NTRK3: variants seen among roughly 807,000 people sequenced by gnomAD.
NTRK3 encodes the protein NT-3 growth factor receptor.
Under a neutral mutation model 91.7 loss-of-function variants are expected in NTRK3, and 24 were observed. That is an observed-to-expected ratio of 0.26 (90% CI 0.19 to 0.37). The LOEUF is 0.37. NTRK3 is among the 10% of genes least tolerant of loss of function. The probability of loss-of-function intolerance (pLI) is 1.00; values close to 1 mark genes in which losing one functional copy is unlikely to be tolerated. For missense variants in NTRK3, 880 were observed against 1,068.9 expected (o/e 0.82, Z 2.46); for synonymous variants, 483 against 404.0 (o/e 1.20, Z -2.34).
intron 13 of NTRK3, among the ~76,000 whole-genome samples, chr15:88,080,359 T>C (rs373771867): frequency 2.5e-4 from 38 of 152,340 alleles, no homozygotes; most frequent in African/African-American, 8.9e-4. Flanking sequence ...CTTTTCTCTA[T>C]ATCTAAACCA....
intron 13 of NTRK3, among the ~76,000 whole-genome samples, chr15:88,103,638 T>C (rs965592491): frequency 1.3e-5 from 2 of 152,182 alleles, no homozygotes; most frequent in Non-Finnish European, 2.9e-5. Context: ...GTGGTAGTCA[T>C]CCACTCTCAG....
At chr15:88,183,252 C>A (rs2046667509) in intron 5 of NTRK3, among the ~76,000 whole-genome samples, 166 bp downstream of exon 5, 1 of 152,018 alleles carries the variant, frequency 6.6e-6, no homozygotes, top group African/African-American at 2.4e-5. Flanking sequence ...TCATCAAACC[C>A]AAAATAATCC....
At chr15:88,033,124 A>G in intron 13 of NTRK3, 79 bp from the exon 14 acceptor site, 1 of 1,316,928 alleles carries the variant, frequency 7.6e-7, no homozygotes, top group East Asian at 2.6e-5. Context: ...GACAACCCCC[A>G]ACTACTGTTC....
chr15:88,137,324 C>A, intron 7 of NTRK3, 80 bp downstream of exon 7: 1 of 1,556,940 alleles, frequency 6.4e-7, no homozygotes, highest in South Asian at 1.1e-5. Context: ...TCTGGCATCC[C>A]AAGGTAACGT....
intron 13 of NTRK3, among the ~76,000 whole-genome samples, chr15:88,056,936 C>T (rs1233919754): frequency 4.0e-5 from 6 of 151,766 alleles, no homozygotes; most frequent in African/African-American, 1.2e-4. Context: ...TTTGGGAGGC[C>T]GAGACGGGCG....
chr15:87,880,354 C>T, exon 18 of NTRK3: 1 of 1,614,178 alleles, frequency 6.2e-7, no homozygotes, highest in Non-Finnish European at 8.5e-7. Flanking sequence ...ATACATCACT[C>T]TCTGTAGTGA....
At chr15:87,873,167 C>T in exon 19 of NTRK3, 1 of 232,022 alleles carries the variant, frequency 4.3e-6, no homozygotes, top group Non-Finnish European at 8.5e-6. Context: ...AAGTAGGCAT[C>T]ACTAGAGAAG....
chr15:87,988,948 G>A (rs534592868), intron 14 of NTRK3, among the ~76,000 whole-genome samples: 179 of 151,780 alleles, frequency 1.2e-3, no homozygotes, highest in African/African-American at 4.1e-3. Flanking sequence ...GAGAGGGTCT[G>A]GCTCTGTCAC....
At chr15:87,983,240 G>T (rs1221419962) in intron 14 of NTRK3, among the ~76,000 whole-genome samples, 1 of 152,210 alleles carries the variant, frequency 6.6e-6, no homozygotes, top group Admixed American at 6.5e-5. Context: ...GAAATACACA[G>T]GAGTGCTGGC....
chr15:88,166,977 T>A (rs1047345130), intron 5 of NTRK3, among the ~76,000 whole-genome samples: 2 of 152,144 alleles, frequency 1.3e-5, no homozygotes, highest in Non-Finnish European at 2.9e-5. Context: ...TCTCCCCTCT[T>A]CCTATATAAT....
intron 14 of NTRK3, among the ~76,000 whole-genome samples, chr15:87,965,841 G>T (rs953768043): frequency 5.3e-5 from 8 of 152,126 alleles, no homozygotes; most frequent in Non-Finnish European, 1.0e-4. Context: ...ACTTTGGGAG[G>T]CCGAGGCAGG....
intron 13 of NTRK3, among the ~76,000 whole-genome samples, chr15:88,062,232 G>T (rs943113034): frequency 3.3e-5 from 5 of 152,168 alleles, no homozygotes; most frequent in African/African-American, 1.2e-4. Context: ...CATGAATACT[G>T]AGGGACAACT....
intron 14 of NTRK3, among the ~76,000 whole-genome samples, chr15:87,996,050 C>A (rs1019094067): frequency 1.3e-5 from 2 of 151,960 alleles, no homozygotes; most frequent in African/African-American, 4.8e-5. Flanking sequence ...TCAAGACCAG[C>A]CTGGCCAGCA....
chr15:87,952,743 G>A (rs1039541236), intron 14 of NTRK3, among the ~76,000 whole-genome samples: 1 of 152,100 alleles, frequency 6.6e-6, no homozygotes, highest in East Asian at 1.9e-4. Context: ...GAGACTGTCC[G>A]GGAGTCCCGA....
intron 13 of NTRK3, among the ~76,000 whole-genome samples, chr15:88,091,867 A>C (rs1265774352): frequency 6.6e-6 from 1 of 152,192 alleles, no homozygotes; most frequent in African/African-American, 2.4e-5. Context: ...TGCTATCTAA[A>C]ACTCCACCCC....
intron 14 of NTRK3, among the ~76,000 whole-genome samples, chr15:88,004,381 C>A (rs533944549): frequency 6.6e-6 from 1 of 152,116 alleles, no homozygotes; most frequent in South Asian, 2.1e-4. Flanking sequence ...ATCAGAAAAA[C>A]GGGCAGATAA....
chr15:87,895,924 T>C (rs571815910), intron 17 of NTRK3, among the ~76,000 whole-genome samples: 7 of 152,226 alleles, frequency 4.6e-5, no homozygotes, highest in South Asian at 2.1e-4. Flanking sequence ...ATTCAACCAA[T>C]TGTCAACCAG....
At chr15:88,084,969 C>A (rs866831093) in intron 13 of NTRK3, among the ~76,000 whole-genome samples, 18 of 152,134 alleles carry the variant, frequency 1.2e-4, no homozygotes, top group African/African-American at 3.6e-4. Flanking sequence ...CTGGGATAAC[C>A]TATATATCAG....
At position 88,020,822 on chromosome 15, in the gene NTRK3, T is replaced by C. The variant is rs909711023; in HGVS notation, c.1585+12035A>G. On this transcript the variant is annotated intron_variant, in intron 14 of 18. Coordinates refer to ENST00000394480, the Ensembl canonical transcript of NTRK3. ...AAAGGATCCTCTGTAACCCCCTAGT[T>C]CAGCTCATTCTCTCAGCCGCTAGAC... is the stretch of plus-strand genomic sequence containing the variant. Among the ~76,000 whole-genome samples, 4 of 152,164 alleles carry C rather than the reference T, an allele frequency of 2.6e-5. No homozygotes were observed. In the South Asian group the frequency reaches 6.2e-4, roughly 24 times the overall value.
Sources: allele counts gnomAD v4.1 joint callset (sites outside exome capture counted in the v4.1 genomes callset), GRCh38; gene constraint gnomAD v4.1.1; transcripts MANE v1.5; gene names NCBI Gene and HGNC (gene_info 2026-07-23, HGNC 2026-07-21).